The following ZNF804A variants were observed in gnomAD, a reference collection of about 807,000 sequenced individuals.
The protein encoded by ZNF804A is zinc finger protein 804A.
In ZNF804A, 2 loss-of-function variants were observed where a neutral mutation model predicts 16.5. That is an observed-to-expected ratio of 0.12 (90% confidence interval 0.05 to 0.38). ZNF804A has a LOEUF of 0.38. Ranked by LOEUF, ZNF804A falls within the 10% of genes least tolerant of loss-of-function variation. The pLI, the probability that ZNF804A is intolerant of heterozygous loss-of-function variation, is 0.99. For synonymous variants in ZNF804A, 534 were observed against 489.6 expected, an observed-to-expected ratio of 1.09 and a Z score of -1.20; for missense variants, 1,473 against 1,390.7, an observed-to-expected ratio of 1.06 and a Z score of -0.94.
At chr2:184,911,424 T>C (rs1685356481) in intron 2 of ZNF804A, among the ~76,000 whole-genome samples, 1 of 152,124 alleles carries the variant, frequency 6.6e-6, no homozygotes, top group South Asian at 2.1e-4. Context: ...GCTTCATACA[T>C]TTTGCTTAAG....
In ZNF804A at chr2:184,718,026, C is replaced by T. The variant is rs537136643; in HGVS notation, c.111+118956C>T. ...CCTATATTAGTCCATTTTCATGCTG[C>T]TGATAAAGATATACCTGGGACTGAG... is the stretch of plus-strand genomic sequence containing the variant. On this transcript the variant is annotated intron_variant, in intron 1 of 3. Coordinates refer to ENST00000302277, the MANE Select transcript of ZNF804A (RefSeq NM_194250.2). 4.7e-4 allele frequency among the ~76,000 whole-genome samples: 71 copies of T among 152,184 alleles called. No individual in the cohort carries two copies. The Middle Eastern group carries it at 0.014, about 29-fold the overall frequency.
At chr2:184,891,577 C>CACTA (rs34158311) in intron 2 of ZNF804A, among the ~76,000 whole-genome samples, 49,310 of 151,686 alleles carry the variant, frequency 0.33, 10,670 homozygotes, top group African/African-American at 0.62. Context: ...TGTAGGAAAC[C>CACTA]ACTGTTATTC....
chr2:184,653,973 G>A (rs1212078618), intron 1 of ZNF804A, among the ~76,000 whole-genome samples: 4 of 152,124 alleles, frequency 2.6e-5, no homozygotes, highest in East Asian at 3.9e-4. Context: ...ATCAGGAAAC[G>A]GCCTTTCCCT....
intron 1 of ZNF804A, among the ~76,000 whole-genome samples, chr2:184,691,831 T>C (rs1692735253): frequency 6.6e-6 from 1 of 151,960 alleles, no homozygotes; most frequent in African/African-American, 2.4e-5. Context: ...TCTCCAAAAC[T>C]GTAAGTGAGA....
At chr2:184,785,835 A>G (rs1347429578) in intron 1 of ZNF804A, among the ~76,000 whole-genome samples, 1 of 152,130 alleles carries the variant, frequency 6.6e-6, no homozygotes, top group African/African-American at 2.4e-5. Context: ...CTGGAATTAC[A>G]AAAACAGAAG....
At chr2:184,654,593 A>T (rs967707291) in intron 1 of ZNF804A, among the ~76,000 whole-genome samples, 1 of 152,150 alleles carries the variant, frequency 6.6e-6, no homozygotes, top group East Asian at 1.9e-4. Flanking sequence ...GACCAATTTA[A>T]GGAAATCTAG....
intron 1 of ZNF804A, among the ~76,000 whole-genome samples, chr2:184,680,438 G>T (rs1445792189): frequency 6.6e-6 from 1 of 151,750 alleles, no homozygotes; most frequent in Non-Finnish European, 1.5e-5. Context: ...TGACCTGCCT[G>T]TGGGAAGAGC....
At chr2:184,688,983 T>C (rs1261447266) in intron 1 of ZNF804A, among the ~76,000 whole-genome samples, 2 of 152,164 alleles carry the variant, frequency 1.3e-5, no homozygotes, top group Non-Finnish European at 2.9e-5. Context: ...AGCAAACAGA[T>C]ATGTATCTTA....
chr2:184,757,591 A>G (rs899473001), intron 1 of ZNF804A, among the ~76,000 whole-genome samples: 1 of 151,988 alleles, frequency 6.6e-6, no homozygotes, highest in African/African-American at 2.4e-5. Flanking sequence ...ATAGGTATCT[A>G]TGGAAAATTA....
intron 1 of ZNF804A, 100 bp from the exon 2 acceptor site, chr2:184,866,269 G>A: frequency 9.2e-7 from 1 of 1,082,026 alleles, no homozygotes; most frequent in Non-Finnish European, 1.3e-6. Flanking sequence ...GCTGTATTCT[G>A]TTTCTAACTC....
intron 1 of ZNF804A, among the ~76,000 whole-genome samples, chr2:184,684,278 G>C (rs1403440981): frequency 6.6e-6 from 1 of 152,142 alleles, no homozygotes; most frequent in African/African-American, 2.4e-5. Flanking sequence ...TTGATATTTT[G>C]TTTGCTAACA....
intron 1 of ZNF804A, among the ~76,000 whole-genome samples, chr2:184,722,881 G>A (rs983226578): frequency 3.9e-5 from 6 of 151,988 alleles, no homozygotes; most frequent in African/African-American, 1.4e-4. Flanking sequence ...ATTGCTTCAT[G>A]TTAACGGTAT....
At chr2:184,656,309 A>G (rs1692073396) in intron 1 of ZNF804A, among the ~76,000 whole-genome samples, 1 of 152,120 alleles carries the variant, frequency 6.6e-6, no homozygotes, top group Non-Finnish European at 1.5e-5. Flanking sequence ...TTTGTAAAGT[A>G]ATACTTTCCC....
chr2:184,799,532 T>G (rs547213149), intron 1 of ZNF804A, among the ~76,000 whole-genome samples: 2 of 151,690 alleles, frequency 1.3e-5, no homozygotes, highest in Admixed American at 6.6e-5. Flanking sequence ...TACTTCTTCT[T>G]TTTTTTTGAA....
At chr2:184,683,640 A>G (rs557889975) in intron 1 of ZNF804A, among the ~76,000 whole-genome samples, 1 of 152,320 alleles carries the variant, frequency 6.6e-6, no homozygotes, top group East Asian at 1.9e-4. Context: ...GGAAAAGTGT[A>G]TATGAATACA....
chr2:184,909,146 T>C (rs913635331), intron 2 of ZNF804A, among the ~76,000 whole-genome samples: 2 of 152,138 alleles, frequency 1.3e-5, no homozygotes, highest in African/African-American at 4.8e-5. Context: ...TATTGTAATG[T>C]TCTGTTAGGA....
At chr2:184,837,471 G>T (rs1054664500) in intron 1 of ZNF804A, among the ~76,000 whole-genome samples, 3 of 152,000 alleles carry the variant, frequency 2.0e-5, no homozygotes, top group Admixed American at 1.3e-4. Context: ...TGATTTTTAA[G>T]TCTGTTTATT....
rs757375890 is a variant in ZNF804A, at chr2:184,937,129, A to G, written c.1733A>G (p.Asn578Ser). Residue 578 changes from asparagine (N) to serine (S), a missense_variant, in exon 4 of 4, where the codon AAC becomes AGC. By Grantham distance (46) the Asn-to-Ser change is conservative (BLOSUM62 1). Transcript: ENST00000302277. ...IKQDTLDEKYNKIRLKETHEY... is the reference protein window; with the variant it reads ...IKQDTLDEKYSKIRLKETHEY... ...CAGGACACTCTAGATGAAAAATACA[A>G]CAAAATAAGGTTGAAAGAGACCCAT... The G allele has an allele frequency of 4.4e-6, 7 of 1,603,712 alleles. No individual in the cohort carries two copies. Among genetic ancestry groups the G allele is most frequent in the South Asian group, 1.1e-5 (1 of 89,134 alleles).
In ZNF804A at chr2:184,679,974, G is replaced by A. The variant is rs114231380; in HGVS notation, c.111+80904G>A. On this transcript the variant is annotated intron_variant, in intron 1 of 3. Transcript: ENST00000302277. ...CCCAGGCCCAGAGTAAGAACTTATG[G>A]TGCTTTTTCTGGGCCTGCTCATGGC... is the stretch of plus-strand genomic sequence containing the variant. 3.4e-3 allele frequency among the ~76,000 whole-genome samples: 517 copies of A among 152,280 alleles called. 2 individuals are homozygous for A. Among genetic ancestry groups the A allele is most frequent in the African/African-American group, 0.012 (488 of 41,574 alleles).
Sources: allele counts gnomAD v4.1 joint callset (sites outside exome capture counted in the v4.1 genomes callset), GRCh38; gene constraint gnomAD v4.1.1; transcripts MANE v1.5; gene names NCBI Gene and HGNC (gene_info 2026-07-23, HGNC 2026-07-21).